Variants in PXDNL observed in about 807,000 individuals in gnomAD.
PXDNL encodes the protein probable oxidoreductase PXDNL.
A neutral mutation model predicts 150.8 loss-of-function variants in PXDNL; 145 were observed. The observed-to-expected ratio is 0.96, with a 90% CI of 0.84 to 1.10. The LOEUF (loss-of-function observed/expected upper bound fraction) is 1.10. Among genes scored for constraint, PXDNL ranks in the 50% least tolerant of loss-of-function variants. The probability of loss-of-function intolerance (pLI) is 0.00; values close to 1 mark genes in which losing one functional copy is unlikely to be tolerated. For synonymous variants in PXDNL, 757 were observed against 725.7 expected, an observed-to-expected ratio of 1.04 and a Z score of -0.69; for missense variants, 2,087 against 1,873.9, an observed-to-expected ratio of 1.11 and a Z score of -2.10.
At chr8:51,638,528 G>T (rs6992089) in intron 2 of PXDNL, among the ~76,000 whole-genome samples, 1 of 151,464 alleles carries the variant, frequency 6.6e-6, no homozygotes, top group Non-Finnish European at 1.5e-5. Flanking sequence ...AATAGAAAAC[G>T]AAAAAAGGCA....
intron 1 of PXDNL, among the ~76,000 whole-genome samples, chr8:51,715,978 C>T (rs1346648640): frequency 6.6e-6 from 1 of 152,150 alleles, no homozygotes; most frequent in Non-Finnish European, 1.5e-5. Context: ...CAAAAGTTTG[C>T]CTCTACCCTT....
chr8:51,724,728 T>C (rs1048610022), intron 1 of PXDNL, among the ~76,000 whole-genome samples: 3 of 152,200 alleles, frequency 2.0e-5, no homozygotes, highest in Non-Finnish European at 4.4e-5. Flanking sequence ...TCTTAGCCCA[T>C]GTGAGACCTG....
intron 1 of PXDNL, among the ~76,000 whole-genome samples, chr8:51,716,230 G>T (rs575436065): frequency 1.2e-4 from 18 of 152,344 alleles, no homozygotes; most frequent in African/African-American, 3.8e-4. Context: ...ACAAAGGAAA[G>T]ATCTATGTTT....
chr8:51,693,236 C>G (rs1816037366), intron 1 of PXDNL, among the ~76,000 whole-genome samples: 1 of 152,150 alleles, frequency 6.6e-6, no homozygotes, highest in South Asian at 2.1e-4. Flanking sequence ...AAAGAGTAAA[C>G]AGTCCAATTT....
chr8:51,325,591 C>A (rs1367031325), intron 21 of PXDNL, among the ~76,000 whole-genome samples: 1 of 152,190 alleles, frequency 6.6e-6, no homozygotes, highest in Non-Finnish European at 1.5e-5. Context: ...AGCCTCATCA[C>A]CCCCTGGTAA....
chr8:51,573,325 C>G (rs1256121529), intron 3 of PXDNL, among the ~76,000 whole-genome samples: 2 of 151,942 alleles, frequency 1.3e-5, no homozygotes, highest in Non-Finnish European at 2.9e-5. Flanking sequence ...GAAACCCGCT[C>G]TGGTATCAGT....
intron 14 of PXDNL, among the ~76,000 whole-genome samples, chr8:51,421,772 T>A (rs1461261764): frequency 6.6e-6 from 1 of 152,244 alleles, no homozygotes; most frequent in Non-Finnish European, 1.5e-5. Flanking sequence ...CTAAACTACA[T>A]TGTTAAAATT....
intron 3 of PXDNL, among the ~76,000 whole-genome samples, chr8:51,583,014 G>A (rs1813242683): frequency 6.6e-6 from 1 of 152,124 alleles, no homozygotes; most frequent in Admixed American, 6.6e-5. Flanking sequence ...ACTAAAATCT[G>A]AAAAATATGG....
intron 1 of PXDNL, among the ~76,000 whole-genome samples, chr8:51,689,126 C>G (rs2130859504): frequency 6.6e-6 from 1 of 152,320 alleles, no homozygotes; most frequent in Non-Finnish European, 1.5e-5. Context: ...AGGTTGCCAG[C>G]CCACAAGTCT....
intron 14 of PXDNL, among the ~76,000 whole-genome samples, chr8:51,413,788 T>C (rs907696761): frequency 3.0e-4 from 45 of 152,228 alleles, no homozygotes; most frequent in African/African-American, 1.0e-3. Context: ...CAAAGGAAGC[T>C]ATTTACTTAC....
chr8:51,325,394 T>C (rs988486080), intron 21 of PXDNL, among the ~76,000 whole-genome samples: 1 of 152,202 alleles, frequency 6.6e-6, no homozygotes, highest in African/African-American at 2.4e-5. Context: ...CATGTGGGAA[T>C]AGAAGTCCAG....
chr8:51,404,624 T>G (rs574966359), intron 17 of PXDNL, among the ~76,000 whole-genome samples: 1 of 150,754 alleles, frequency 6.6e-6, no homozygotes, highest in East Asian at 2.0e-4. Context: ...AACCTTGCGC[T>G]AGACACAGGG....
chr8:51,574,738 G>A (rs193206170), intron 3 of PXDNL, among the ~76,000 whole-genome samples: 38 of 152,090 alleles, frequency 2.5e-4, no homozygotes, highest in Admixed American at 2.1e-3. Context: ...AACCACAGAC[G>A]CAAAAGGAAT....
chr8:51,726,460 G>T (rs1304959498), intron 1 of PXDNL, among the ~76,000 whole-genome samples: 2 of 152,282 alleles, frequency 1.3e-5, no homozygotes, highest in East Asian at 3.9e-4. Context: ...ACGTCTCTTT[G>T]TGCCCACAGA....
intron 17 of PXDNL, among the ~76,000 whole-genome samples, chr8:51,385,334 A>G (rs79826122): frequency 7.0e-6 from 1 of 143,586 alleles, no homozygotes; most frequent in African/African-American, 2.6e-5. Flanking sequence ...GCTAAAAAGG[A>G]AAAAAAAAAA....
In PXDNL at chr8:51,585,152, G is replaced by A. The variant is rs559435470; in HGVS notation, c.308+7475C>T. The stretch of plus-strand genomic sequence containing the variant: ...GCACATTTGAAGGGGAAAGTAAGGA[G>A]TGCGTTTGAAGGGAGAAAGATAATG... On this transcript the variant is annotated intron_variant, in intron 3 of 22. Coordinates refer to ENST00000356297, the MANE Select transcript of PXDNL (RefSeq NM_144651.5). Among the ~76,000 whole-genome samples, 435 of 152,264 alleles carry A rather than the reference G, an allele frequency of 2.9e-3. 3 individuals carry two copies. Among genetic ancestry groups the A allele is most frequent in the African/African-American group, 9.9e-3 (412 of 41,568 alleles).
intron 1 of PXDNL, among the ~76,000 whole-genome samples, chr8:51,734,995 A>G (rs911508751): frequency 4.6e-5 from 7 of 152,240 alleles, no homozygotes; most frequent in African/African-American, 9.6e-5. Flanking sequence ...CATGGTGACT[A>G]TGGTTAATAA....
At chr8:51,791,912 T>C (rs1288657240) in intron 1 of PXDNL, among the ~76,000 whole-genome samples, 2 of 152,174 alleles carry the variant, frequency 1.3e-5, no homozygotes, top group African/African-American at 2.4e-5. Flanking sequence ...ACATTGTAAA[T>C]CTGATGATGT....
intron 5 of PXDNL, among the ~76,000 whole-genome samples, chr8:51,487,539 G>C (rs1585516004): frequency 6.6e-6 from 1 of 151,878 alleles, no homozygotes; most frequent in Non-Finnish European, 1.5e-5. Context: ...ATTCTGTAAT[G>C]CTTGACATAC....
Sources: gnomAD v4.1 joint callset for allele counts (sites outside exome capture counted in the v4.1 genomes callset) on GRCh38, gnomAD v4.1.1 for gene constraint, MANE v1.5 for transcripts, NCBI Gene and HGNC (gene_info 2026-07-23, HGNC 2026-07-21) for gene names.